Variants in LCOR observed in about 807,000 individuals in gnomAD.
LCOR encodes ligand-dependent corepressor.
In LCOR, 14 loss-of-function variants were observed where a neutral mutation model predicts 64.4. The observed-to-expected ratio is 0.22, with a 90% confidence interval of 0.14 to 0.34. The LOEUF (loss-of-function observed/expected upper bound fraction) is 0.34. Among genes scored for constraint, LCOR ranks in the 10% least tolerant of loss-of-function variants. LCOR has a pLI of 1.00. For missense variants in LCOR, 1,686 were observed against 1,765.3 expected (o/e 0.96, Z 0.80); for synonymous variants, 643 against 642.5 (o/e 1.00, Z -0.01).
intron 2 of LCOR, among the ~76,000 whole-genome samples, chr10:96,835,697 A>G (rs1845430371): frequency 6.6e-6 from 1 of 152,154 alleles, no homozygotes. Flanking sequence ...TGGTTTCTGG[A>G]AGGTATTTAA....
rs757304864 is a variant in LCOR, at chr10:96,943,753, A to G, written c.-183-360A>G. 7.8e-5 allele frequency among the ~76,000 whole-genome samples: 10 copies of G among 127,644 alleles called. No individual in the cohort carries two copies. In the South Asian group the frequency reaches 2.3e-3, roughly 29 times the overall value. 83.7% of individuals were successfully genotyped at this position (127,644 alleles called of 152,430 possible). On this transcript the variant is annotated intron_variant, in intron 4 of 7. Transcript: ENST00000421806. ...AAAAAAATTTTTTTTTTGGTAAATTAAAAAAAAAAAAGCCTTCTGTCTGAA... is the reference window on the plus strand; with the variant it reads ...AAAAAAATTTTTTTTTTGGTAAATTGAAAAAAAAAAAGCCTTCTGTCTGAA...
intron 7 of LCOR, among the ~76,000 whole-genome samples, chr10:96,952,565 T>TTG (rs34711150): frequency 0.018 from 2,669 of 150,698 alleles, 43 homozygotes; most frequent in Middle Eastern, 0.037. Context: ...CTAGTGGGGT[T>TTG]TGTGTGTGTG....
intron 7 of LCOR, among the ~76,000 whole-genome samples, chr10:96,978,570 G>A (rs1448742237): frequency 6.6e-6 from 1 of 152,168 alleles, no homozygotes; most frequent in East Asian, 1.9e-4. Context: ...TGGAAAGTAT[G>A]AGGTAGGCAT....
Position 96,975,675 on chromosome 10 carries a change from C to T in LCOR, c.333-5118C>T, listed in dbSNP as rs1848032966. 2.0e-5 allele frequency among the ~76,000 whole-genome samples: 3 copies of T among 151,420 alleles called. No homozygotes were observed. The South Asian group carries it at 6.3e-4, about 32-fold the overall frequency. On this transcript the variant is annotated intron_variant, in intron 7 of 7. Coordinates refer to ENST00000421806, the MANE Select transcript of LCOR (RefSeq NM_001346516.2). Reference sequence around the variant, plus strand: ...CTTACATCTGCTTGGGAAGCTAAGACAAAAACAAGGCAAAGTCAATACAAG... The same window carrying T: ...CTTACATCTGCTTGGGAAGCTAAGATAAAAACAAGGCAAAGTCAATACAAG...
At chr10:96,968,192 C>T (rs992413949) in intron 7 of LCOR, among the ~76,000 whole-genome samples, 2 of 152,138 alleles carry the variant, frequency 1.3e-5, no homozygotes, top group African/African-American at 2.4e-5. Context: ...TACTGTTGAT[C>T]CCATTCTACT....
chr10:96,920,989 G>A (rs1224229155), intron 4 of LCOR, among the ~76,000 whole-genome samples: 1 of 151,658 alleles, frequency 6.6e-6, no homozygotes, highest in African/African-American at 2.4e-5. Flanking sequence ...GTGGAGATGG[G>A]GCCTTGTCAT....
chr10:96,944,173 C>G lies in LCOR; in HGVS notation c.-123C>G. 1 of 985,560 alleles carries G rather than the reference C, an allele frequency of 1.0e-6. No homozygotes were observed. The highest frequency in any genetic ancestry group is 1.2e-6 in the Non-Finnish European group (1 of 829,824). 61.1% of individuals were successfully genotyped at this position (985,560 alleles called of 1,614,324 possible). A position where few individuals can be genotyped will look rare whatever the true frequency, so the allele number is the denominator to read the frequency against. On this transcript the variant is annotated 5_prime_UTR_variant, in exon 5 of 8. Transcript: ENST00000421806. Reference sequence around the variant, plus strand: ...AGCTGGGCAAGAAGCTCTGCTTAAACAAGAGCAAGCAAAAATCATTCGATT... The same window carrying G: ...AGCTGGGCAAGAAGCTCTGCTTAAAGAAGAGCAAGCAAAAATCATTCGATT...
At chr10:96,973,942 T>G (rs1171265759) in intron 7 of LCOR, among the ~76,000 whole-genome samples, 1 of 152,230 alleles carries the variant, frequency 6.6e-6, no homozygotes, top group Non-Finnish European at 1.5e-5. Context: ...CCACTTGATC[T>G]TTAACTCTAA....
At chr10:96,924,576 CACTT>C (rs1254472144) in intron 4 of LCOR, among the ~76,000 whole-genome samples, 1 of 152,170 alleles carries the variant, frequency 6.6e-6, no homozygotes, top group East Asian at 1.9e-4. Context: ...AGTAATTTCA[CACTT>C]ACAGAAAAGT....
At chr10:96,924,020 T>C (rs1847125288) in intron 4 of LCOR, among the ~76,000 whole-genome samples, 1 of 152,170 alleles carries the variant, frequency 6.6e-6, no homozygotes, top group Non-Finnish European at 1.5e-5. Context: ...TTAAGAGAAG[T>C]CTGAAAGTCA....
In LCOR at chr10:96,983,632, A is replaced by G; in HGVS notation, c.3172A>G (p.Thr1058Ala). 1 of 1,614,140 alleles carries G rather than the reference A, an allele frequency of 6.2e-7. No individual in the cohort carries two copies. The highest frequency in any genetic ancestry group is 1.3e-5 in the African/African-American group (1 of 75,028). Residue 1058 changes from threonine (T) to alanine (A), a missense_variant, in exon 8 of 8, where the codon ACT becomes GCT. Physicochemically the swap from Thr to Ala is moderately conservative, Grantham distance 58 (BLOSUM62 0). Coordinates refer to ENST00000421806, the MANE Select transcript of LCOR (RefSeq NM_001346516.2). This position sits in a 1 kb window ranked among gnomAD's most constrained non-coding sequence, Gnocchi z 4.5. Reference protein sequence around the residue: ...SLGSLDASKVTSEKEAAQVNP... With the variant: ...SLGSLDASKVASEKEAAQVNP... ...GGGCTCCTTGGATGCTTCAAAAGTG[A>G]CTTCAGAAAAGGAAGCTGCACAAGT...
chr10:96,941,067 C>T (rs1847454886), intron 4 of LCOR, among the ~76,000 whole-genome samples: 1 of 117,530 alleles, frequency 8.5e-6, no homozygotes, highest in African/African-American at 3.7e-5. Context: ...GGCCGACCCC[C>T]CCCCCGCCTC....
chr10:96,864,392 G>A (rs544653456), intron 2 of LCOR, among the ~76,000 whole-genome samples: 2 of 152,308 alleles, frequency 1.3e-5, no homozygotes, highest in East Asian at 3.9e-4. Context: ...TTTGGGGACA[G>A]TCTTTGTTTA....
chr10:96,955,052 A>G (rs1847743871), intron 7 of LCOR: 3 of 1,614,122 alleles, frequency 1.9e-6, no homozygotes, highest in Admixed American at 1.7e-5. Flanking sequence ...AAGGTTTTGG[A>G]CACTCCACAT....
intron 4 of LCOR, among the ~76,000 whole-genome samples, chr10:96,911,256 C>T (rs531063949): frequency 6.6e-6 from 1 of 152,086 alleles, no homozygotes; most frequent in South Asian, 2.1e-4. Context: ...CACCAACACG[C>T]CCAGCTAAGT....
In LCOR at chr10:96,994,992, T is replaced by C. The variant is rs1408609924; in HGVS notation, c.*9858T>C. ...CACAGCCCAGGGCCCTAATTGAGGC[T>C]AGCATGAATGCCTTTGAGGGGCCAG... On this transcript the variant is annotated 3_prime_UTR_variant, in exon 8 of 8. Transcript: ENST00000421806. 6.6e-6 allele frequency: 1 copy of C among 152,242 alleles called. No homozygotes were observed. The highest frequency in any genetic ancestry group is 2.4e-5 in the African/African-American group (1 of 41,462). 9.4% of individuals were successfully genotyped at this position (152,242 alleles called of 1,614,324 possible).
At chr10:96,979,041 C>T (rs1156548829) in intron 7 of LCOR, among the ~76,000 whole-genome samples, 1 of 152,204 alleles carries the variant, frequency 6.6e-6, no homozygotes, top group Non-Finnish European at 1.5e-5. Context: ...CCATATTCCA[C>T]AGCCTATGCT....
intron 4 of LCOR, among the ~76,000 whole-genome samples, chr10:96,936,963 C>A (rs1847361759): frequency 6.6e-6 from 1 of 152,134 alleles, no homozygotes; most frequent in African/African-American, 2.4e-5. Flanking sequence ...TGTGAATATT[C>A]TCTCTCTTTT....
At chr10:96,978,433 T>C (rs1246025574) in intron 7 of LCOR, among the ~76,000 whole-genome samples, 3 of 152,256 alleles carry the variant, frequency 2.0e-5, no homozygotes, top group African/African-American at 7.2e-5. Context: ...GCTTTCGTCT[T>C]TTCTTTCCTT....
Sources: allele counts gnomAD v4.1 joint callset (sites outside exome capture counted in the v4.1 genomes callset), GRCh38; gene constraint gnomAD v4.1.1; non-coding constraint Gnocchi (gnomAD v3.1); transcripts MANE v1.5; gene names NCBI Gene and HGNC (gene_info 2026-07-23, HGNC 2026-07-21).